Variants in SLC39A10 observed in about 807,000 individuals in gnomAD.
SLC39A10 encodes the protein zinc transporter ZIP10.
Under a neutral mutation model 65.1 loss-of-function variants are expected in SLC39A10, and 13 were observed. The ratio of observed to expected loss-of-function variants is 0.20; its 90% CI spans 0.13 to 0.32. SLC39A10 has a LOEUF of 0.32. Ranked by LOEUF, SLC39A10 falls within the 10% of genes least tolerant of loss-of-function variation. The pLI is 1.00. For synonymous variants in SLC39A10, 321 were observed against 342.2 expected (o/e 0.94, Z 0.68); for missense variants, 831 against 1,018.4 (o/e 0.82, Z 2.50).
intron 9 of SLC39A10, among the ~76,000 whole-genome samples, chr2:195,731,722 T>C (rs1413455767): frequency 1.3e-5 from 2 of 152,176 alleles, no homozygotes; most frequent in African/African-American, 4.8e-5. Context: ...ACAGAGAGGC[T>C]GGCTAAAAAG....
chr2:195,690,284 A>G (rs558628733), intron 3 of SLC39A10, among the ~76,000 whole-genome samples: 104 of 151,892 alleles, frequency 6.8e-4, no homozygotes, highest in African/African-American at 2.1e-3. Flanking sequence ...ATCTGTCCAT[A>G]GACAGTTGGG....
intron 2 of SLC39A10, among the ~76,000 whole-genome samples, chr2:195,619,816 T>C (rs1294491155): frequency 6.6e-6 from 1 of 152,236 alleles, no homozygotes; most frequent in Non-Finnish European, 1.5e-5. Context: ...AATAATAATT[T>C]AGTATTAGCC....
In SLC39A10 at chr2:195,668,002, A is replaced by G. The variant is rs1323361461; in HGVS notation, c.-12+10721A>G. ...TAACAGTCCCACTTTATAAGTAGTA[A>G]TAAGACTTAAAGTGGTTAAGGGACT... On this transcript the variant is annotated intron_variant, in intron 1 of 9. Transcript: ENST00000359634. Among the ~76,000 whole-genome samples, 8 of 152,240 alleles carry G rather than the reference A, an allele frequency of 5.3e-5. 1 individual carries two copies. Among genetic ancestry groups the G allele is most frequent in the Admixed American group, 4.6e-4 (7 of 15,284 alleles).
At chr2:195,621,884 C>T (rs115399506) in intron 2 of SLC39A10, among the ~76,000 whole-genome samples, 1 of 152,110 alleles carries the variant, frequency 6.6e-6, no homozygotes, top group African/African-American at 2.4e-5. Context: ...CCCGTTAACT[C>T]TTCATAAACA....
intron 3 of SLC39A10, among the ~76,000 whole-genome samples, chr2:195,686,358 AAATT>A (rs542530911): frequency 6.6e-5 from 10 of 152,190 alleles, no homozygotes; most frequent in Admixed American, 2.0e-4. Flanking sequence ...TAGACTAGAT[AAATT>A]AATTATAATA....
intron 2 of SLC39A10, among the ~76,000 whole-genome samples, chr2:195,633,130 A>G (rs979189562): frequency 2.6e-5 from 4 of 152,214 alleles, no homozygotes; most frequent in African/African-American, 9.6e-5. Flanking sequence ...TCTCTGATGT[A>G]ATCATTTTGT....
At chr2:195,636,559 G>T (rs1229531514) in intron 2 of SLC39A10, among the ~76,000 whole-genome samples, 1 of 151,884 alleles carries the variant, frequency 6.6e-6, no homozygotes, top group East Asian at 1.9e-4. Flanking sequence ...AGACCATCCT[G>T]GCTAACACGG....
Position 195,680,341 on chromosome 2 carries a change from A to G in SLC39A10, c.299A>G (p.Asn100Ser). The G allele has an allele frequency of 1.9e-6, 3 of 1,614,224 alleles. No homozygotes were observed. Among genetic ancestry groups the G allele is most frequent in the Non-Finnish European group, 2.5e-6 (3 of 1,180,038 alleles). ...GGAGAGAGAAAAGTAGTTGAGATTA[A>G]TCATGAGGATCTTGGCCACGATCAT... is the stretch of plus-strand genomic sequence containing the variant. ...GLGERKVVEI[N>S]HEDLGHDHVS... Residue 100 changes from asparagine to serine, a missense_variant, in exon 2 of 10, where the codon AAT (asparagine) becomes AGT (serine). Transcript: ENST00000359634.
intron 3 of SLC39A10, among the ~76,000 whole-genome samples, chr2:195,697,042 C>T (rs1184889922): frequency 1.3e-5 from 2 of 151,996 alleles, no homozygotes; most frequent in African/African-American, 2.4e-5. Context: ...TTCTCATCAT[C>T]TTCATGTTGA....
chr2:195,716,428 GTTTGT>G (rs1002275136), intron 6 of SLC39A10, among the ~76,000 whole-genome samples: 2 of 152,018 alleles, frequency 1.3e-5, no homozygotes, highest in Non-Finnish European at 1.5e-5. Context: ...GTGTGTGTAT[GTTTGT>G]TTTGTTTTGT....
intron 2 of SLC39A10, among the ~76,000 whole-genome samples, chr2:195,643,376 A>G (rs1363322871): frequency 6.6e-6 from 1 of 152,240 alleles, no homozygotes; most frequent in Non-Finnish European, 1.5e-5. Flanking sequence ...AGGAAATGCT[A>G]AGGGATGTGT....
In SLC39A10 at chr2:195,716,918, G is replaced by T. The variant is rs186318919; in HGVS notation, c.1978G>T (p.Asp660Tyr). The T allele has an allele frequency of 2.0e-5, 32 of 1,614,174 alleles. No individual in the cohort carries two copies. The African/African-American group carries it at 2.3e-4, about 11-fold the overall frequency. ...CCATGGCCCCTGTCATTCTGGATCCGATCTGAAAGAAACAGGAATAGCTAA... is the reference window on the plus strand; with the variant it reads ...CCATGGCCCCTGTCATTCTGGATCCTATCTGAAAGAAACAGGAATAGCTAA... ...HSHGPCHSGSDLKETGIANIA... is the reference protein window; with the variant it reads ...HSHGPCHSGSYLKETGIANIA... Residue 660 changes from aspartate (D) to tyrosine (Y), a missense_variant, in exon 7 of 10, where the codon GAT becomes TAT. Coordinates refer to ENST00000359634, the MANE Select transcript of SLC39A10 (RefSeq NM_020342.3).
chr2:195,656,545 C>CT (rs1689148509), upstream of SLC39A10, among the ~76,000 whole-genome samples: 1 of 152,098 alleles, frequency 6.6e-6, no homozygotes, highest in Admixed American at 6.5e-5. Context: ...TCTCAGGACT[C>CT]AACTTTTTCT....
chr2:195,728,365 T>C lies in SLC39A10; in HGVS notation c.2337+16T>C, dbSNP rs1202717862. ...GGTGGATATGGTAAGATATTTTATA[T>C]TTTTTTGTGGTACTAAACCTGCAAA... On this transcript the variant is annotated intron_variant, in intron 9 of 9. Transcript: ENST00000359634. The surrounding 1 kb of genome is among the most constrained non-coding windows in gnomAD (Gnocchi z 4.4). 2 of 1,599,500 alleles carry C rather than the reference T, an allele frequency of 1.3e-6. No individual in the cohort carries two copies. The highest frequency in any genetic ancestry group is 1.7e-6 in the Non-Finnish European group (2 of 1,170,786).
In SLC39A10 at chr2:195,721,001, G is replaced by A. The variant is rs1222669730; in HGVS notation, c.2146+2669G>A. 3.9e-5 allele frequency among the ~76,000 whole-genome samples: 6 copies of A among 152,180 alleles called. No individual in the cohort carries two copies. In the South Asian group the frequency reaches 1.2e-3, roughly 31 times the overall value. ...CTGTTGCCCAGGCTGGAGTGCAGTG[G>A]CTTGATCACGGCTTAGTGCAGCCTT... On this transcript the variant is annotated intron_variant, in intron 8 of 9. Transcript: ENST00000359634.
chr2:195,708,402 C>T (rs1245818046), intron 4 of SLC39A10, among the ~76,000 whole-genome samples: 2 of 152,154 alleles, frequency 1.3e-5, no homozygotes, highest in African/African-American at 4.8e-5. Context: ...TTGATTCTCT[C>T]ACTGTAGTAT....
upstream of SLC39A10, among the ~76,000 whole-genome samples, chr2:195,654,761 T>G (rs1274531704): frequency 6.6e-6 from 1 of 152,196 alleles, no homozygotes; most frequent in Non-Finnish European, 1.5e-5. Context: ...TATATAAAAC[T>G]GGTAAAGATA....
intron 2 of SLC39A10, among the ~76,000 whole-genome samples, chr2:195,683,416 T>G (rs1383250586): frequency 6.6e-6 from 1 of 152,090 alleles, no homozygotes; most frequent in Non-Finnish European, 1.5e-5. Context: ...TACGAGAGTC[T>G]TGGGGATATA....
intron 3 of SLC39A10, among the ~76,000 whole-genome samples, chr2:195,689,723 C>T (rs1432056110): frequency 2.0e-5 from 3 of 152,118 alleles, no homozygotes; most frequent in Non-Finnish European, 4.4e-5. Flanking sequence ...CCTATTTCCC[C>T]CTCTCCCCAG....
Sources: allele counts gnomAD v4.1 joint callset (sites outside exome capture counted in the v4.1 genomes callset), GRCh38; gene constraint gnomAD v4.1.1; non-coding constraint Gnocchi (gnomAD v3.1); transcripts MANE v1.5; gene names NCBI Gene and HGNC (gene_info 2026-07-23, HGNC 2026-07-21).